The following CD6 variants were observed in gnomAD, a reference collection of about 807,000 sequenced individuals.
CD6 encodes the protein CD6 molecule.
Under a neutral mutation model 75.3 loss-of-function variants are expected in CD6, and 53 were observed. The observed-to-expected ratio is 0.70, with a 90% CI of 0.56 to 0.88. The LOEUF (loss-of-function observed/expected upper bound fraction) is 0.88, where lower values mean the gene tolerates loss of function less well. Ranked by LOEUF, CD6 falls within the 40% of genes least tolerant of loss-of-function variation. The pLI is 0.00. For synonymous variants in CD6, 359 were observed against 381.5 expected, an observed-to-expected ratio of 0.94 and a Z score of 0.69; for missense variants, 770 against 897.1, an observed-to-expected ratio of 0.86 and a Z score of 1.81.
intron 8 of CD6, 115 bp downstream of exon 8, chr11:61,014,129 T>C: frequency 1.4e-6 from 1 of 717,524 alleles, no homozygotes; most frequent in Non-Finnish European, 2.3e-6. Flanking sequence ...AGATGAGATC[T>C]GGGCCAGCCC....
chr11:61,010,691 T>C (rs556898448), intron 5 of CD6, among the ~76,000 whole-genome samples: 1 of 152,296 alleles, frequency 6.6e-6, no homozygotes, highest in African/African-American at 2.4e-5. Flanking sequence ...TTTGTGAGCC[T>C]ACCTGCCCAA....
chr11:61,014,086 C>T, intron 8 of CD6, 72 bp downstream of exon 8: 1 of 1,139,126 alleles, frequency 8.8e-7, no homozygotes, highest in South Asian at 1.4e-5. Flanking sequence ...GGAAGGTCAG[C>T]ACCACTTAGG....
At chr11:61,013,385 A>T in intron 6 of CD6, 38 bp from the exon 7 acceptor site, 1 of 1,610,760 alleles carries the variant, frequency 6.2e-7, no homozygotes, top group Non-Finnish European at 8.5e-7. Flanking sequence ...GTGAGTGCCC[A>T]TTCCTCTTTC....
chr11:61,012,603 G>C (rs999784355), intron 6 of CD6, among the ~76,000 whole-genome samples: 1 of 152,152 alleles, frequency 6.6e-6, no homozygotes, highest in Non-Finnish European at 1.5e-5. Context: ...CTCCCTCCCC[G>C]TTGCTGTCAC....
rs1037070487 is a variant in CD6 at position 61,007,408 on chromosome 11, G to A, written c.119-152G>A. ...CAGGCCTCAAGGTGGGCTCAGGGAT[G>A]AGCCAGCCCGGCTCCATTTTGCAGA... On this transcript the variant is annotated intron_variant, in intron 2 of 12. Coordinates refer to ENST00000313421, the MANE Select transcript of CD6 (RefSeq NM_006725.5). The surrounding 1 kb of genome is among the most constrained non-coding windows in gnomAD (Gnocchi z 4.2). The A allele has an allele frequency of 3.6e-6, 2 of 556,224 alleles. No individual in the cohort carries two copies. The highest frequency in any genetic ancestry group is 5.8e-6 in the Non-Finnish European group (2 of 344,060). 34.5% of individuals were successfully genotyped at this position (556,224 alleles called of 1,614,324 possible).
At chr11:61,002,439 C>T (rs964394444) in intron 1 of CD6, among the ~76,000 whole-genome samples, 1 of 152,086 alleles carries the variant, frequency 6.6e-6, no homozygotes, top group African/African-American at 2.4e-5. Context: ...TGCCTGTAAT[C>T]CCAGCAACTT....
At chr11:61,015,983 G>T (rs1473420830) in intron 9 of CD6, 148 bp downstream of exon 9, 3 of 1,021,836 alleles carry the variant, frequency 2.9e-6, no homozygotes, top group Middle Eastern at 3.1e-4. Context: ...GACTGTAAAT[G>T]GTCCTACACT....
chr11:60,991,112 CT>C (rs1232566753), intron 1 of CD6, among the ~76,000 whole-genome samples: 1 of 147,316 alleles, frequency 6.8e-6, no homozygotes, highest in Non-Finnish European at 1.5e-5. Flanking sequence ...CAGCCATTTC[CT>C]TTTCTTTCTT....
chr11:60,983,372 G>C (rs1174246914), intron 1 of CD6, among the ~76,000 whole-genome samples: 6 of 152,014 alleles, frequency 3.9e-5, no homozygotes, highest in Non-Finnish European at 5.9e-5. Context: ...GATTACAGAC[G>C]CGAGCCACTG....
intron 1 of CD6, chr11:60,982,864 C>T: frequency 2.5e-6 from 1 of 403,370 alleles, no homozygotes; most frequent in East Asian, 7.1e-5. Context: ...TCCCACGCTG[C>T]CCAGCAGGGC....
chr11:60,992,342 T>TA lies in CD6; in HGVS notation c.50-14232_50-14231insA, dbSNP rs567789019. Among the ~76,000 whole-genome samples the TA allele has an allele frequency of 4.8e-3, 726 of 151,562 alleles. 2 individuals carry two copies. The highest frequency in any genetic ancestry group is 8.5e-3 in the Non-Finnish European group (579 of 67,854). ...GCCCAGCTTGTGAGGCTTTTTTTTT[T>TA]TATATATAACTATGAGGTGAGGGAG... On this transcript the variant is annotated intron_variant, in intron 1 of 12. Transcript: ENST00000313421.
chr11:60,978,795 C>T (rs966078099), intron 1 of CD6, among the ~76,000 whole-genome samples: 1 of 152,142 alleles, frequency 6.6e-6, no homozygotes, highest in African/African-American at 2.4e-5. Flanking sequence ...CTGCATGGCC[C>T]CAGGGTGGTT....
chr11:60,974,448 C>G lies in CD6; in HGVS notation c.49+2534C>G, dbSNP rs766976628. On this transcript the variant is annotated intron_variant, in intron 1 of 12. Transcript: ENST00000313421. The stretch of plus-strand genomic sequence containing the variant: ...TTTTAGTAGAGACGTGGTTTCGCCA[C>G]GTTGGCCAGGATGGTCTCAATCTCC... Among the ~76,000 whole-genome samples, 7 of 152,284 alleles carry G rather than the reference C, an allele frequency of 4.6e-5. No homozygotes were observed. In the East Asian group the frequency reaches 1.4e-3, roughly 30 times the overall value.
intron 1 of CD6, among the ~76,000 whole-genome samples, chr11:60,990,806 A>AGGCTGAGTCGGG (rs1565147498): frequency 1.0e-5 from 1 of 100,142 alleles, no homozygotes; most frequent in Non-Finnish European, 2.3e-5. Context: ...ACCCTACTGG[A>AGGCTGAGTCGGG]CATATTGTTC....
intron 1 of CD6, among the ~76,000 whole-genome samples, chr11:60,996,777 T>C (rs888968335): frequency 2.6e-5 from 4 of 152,194 alleles, no homozygotes; most frequent in Admixed American, 6.5e-5. Context: ...ATCACTGCGC[T>C]GCACTGGGAG....
chr11:61,010,330 C>T (rs192219617), intron 5 of CD6, among the ~76,000 whole-genome samples: 33 of 152,292 alleles, frequency 2.2e-4, no homozygotes, highest in Admixed American at 8.5e-4. Context: ...CACCATATCT[C>T]GCCAAATCTA....
chr11:60,974,127 G>A (rs1247689945), intron 1 of CD6, among the ~76,000 whole-genome samples: 3 of 152,184 alleles, frequency 2.0e-5, no homozygotes, highest in Non-Finnish European at 4.4e-5. Context: ...AAAGAAAAAT[G>A]ATGGCAAAGA....
At chr11:61,017,735 A>G (rs1204504499) in intron 10 of CD6, 24 bp from the exon 11 acceptor site, 13 of 1,613,130 alleles carry the variant, frequency 8.1e-6, no homozygotes, top group Non-Finnish European at 1.1e-5. Context: ...TTCTTTCGTC[A>G]CCATTCTCCC....
intron 4 of CD6, 53 bp from the exon 5 acceptor site, chr11:61,009,519 A>G (rs1859040389): frequency 6.7e-7 from 1 of 1,496,152 alleles, no homozygotes; most frequent in African/African-American, 1.4e-5. Flanking sequence ...GCTGGCGGGA[A>G]TTTCTGCCCA....
Sources: allele counts gnomAD v4.1 joint callset (sites outside exome capture counted in the v4.1 genomes callset), GRCh38; gene constraint gnomAD v4.1.1; non-coding constraint Gnocchi (gnomAD v3.1); transcripts MANE v1.5; gene names NCBI Gene and HGNC (gene_info 2026-07-23, HGNC 2026-07-21).